Variants in PRKN observed in about 807,000 individuals in gnomAD.
PRKN encodes parkin RBR E3 ubiquitin protein ligase.
In PRKN, 56 loss-of-function variants were observed where a neutral mutation model predicts 59.5. The observed-to-expected ratio is 0.94, with a 90% confidence interval of 0.76 to 1.18. PRKN has a LOEUF of 1.18. PRKN is among the 50% of genes most tolerant of loss of function. The pLI is 0.00. For missense variants in PRKN, 657 were observed against 596.4 expected (o/e 1.10, Z -1.06); for synonymous variants, 250 against 222.1 (o/e 1.13, Z -1.12).
intron 1 of PRKN, among the ~76,000 whole-genome samples, chr6:162,620,754 ATGT>A (rs1782631247): frequency 6.6e-6 from 1 of 151,942 alleles, no homozygotes; most frequent in Non-Finnish European, 1.5e-5. Context: ...GGGTCTTTCT[ATGT>A]TGTTCAGGCT....
intron 7 of PRKN, among the ~76,000 whole-genome samples, chr6:161,727,835 C>T (rs186076097): frequency 2.6e-4 from 39 of 152,312 alleles, no homozygotes; most frequent in African/African-American, 9.4e-4. Flanking sequence ...TTCAGTAAGA[C>T]TGGCTTATTT....
At chr6:162,114,832 A>T (rs1780596895) in intron 4 of PRKN, among the ~76,000 whole-genome samples, 1 of 152,126 alleles carries the variant, frequency 6.6e-6, no homozygotes, top group South Asian at 2.1e-4. Flanking sequence ...AATCATTAAA[A>T]AGTCAAGAAA....
intron 3 of PRKN, among the ~76,000 whole-genome samples, chr6:162,215,298 C>A (rs1367194053): frequency 6.6e-6 from 1 of 152,088 alleles, no homozygotes; most frequent in Non-Finnish European, 1.5e-5. Context: ...GTGGAGGAAC[C>A]AAATAACTAG....
At chr6:161,968,488 T>A (rs1328780455) in intron 6 of PRKN, among the ~76,000 whole-genome samples, 1 of 152,140 alleles carries the variant, frequency 6.6e-6, no homozygotes, top group Non-Finnish European at 1.5e-5. Flanking sequence ...GTCTCCACGG[T>A]CCCCTTGACA....
chr6:161,712,333 T>C (rs1173613357), intron 7 of PRKN, among the ~76,000 whole-genome samples: 1 of 151,984 alleles, frequency 6.6e-6, no homozygotes, highest in African/African-American at 2.4e-5. Flanking sequence ...CTGGATGAAA[T>C]GTGGGCAGGA....
At chr6:162,481,910 C>T (rs13197661) in intron 1 of PRKN, among the ~76,000 whole-genome samples, 22,478 of 152,024 alleles carry the variant, frequency 0.15, 1,857 homozygotes, top group Non-Finnish European at 0.17. Flanking sequence ...ACATAAAATC[C>T]TCAGACTGAA....
intron 5 of PRKN, among the ~76,000 whole-genome samples, chr6:162,011,468 A>G (rs1441088353): frequency 3.6e-5 from 1 of 27,586 alleles, no homozygotes; most frequent in Non-Finnish European, 5.3e-5. Flanking sequence ...TATATATTAT[A>G]ATATATAATA....
intron 9 of PRKN, among the ~76,000 whole-genome samples, chr6:161,500,876 C>CTTTTT (rs34247928): frequency 3.5e-5 from 4 of 115,406 alleles, no homozygotes; most frequent in African/African-American, 6.9e-5. Flanking sequence ...TTTTTTTTTT[C>CTTTTT]TTTTTTTTTT....
intron 1 of PRKN, among the ~76,000 whole-genome samples, chr6:162,451,858 T>C (rs1436486468): frequency 6.6e-6 from 1 of 152,126 alleles, no homozygotes; most frequent in Non-Finnish European, 1.5e-5. Context: ...TGTGATGAAA[T>C]AAATAAATTT....
chr6:162,462,347 C>CA (rs1378497278), intron 1 of PRKN, among the ~76,000 whole-genome samples: 1 of 152,196 alleles, frequency 6.6e-6, no homozygotes, highest in African/African-American at 2.4e-5. Flanking sequence ...GTTTGGTTCA[C>CA]AAATGTGTGC....
intron 2 of PRKN, among the ~76,000 whole-genome samples, chr6:162,283,208 A>C (rs767757904): frequency 1.1e-4 from 16 of 152,090 alleles, no homozygotes; most frequent in African/African-American, 3.9e-4. Flanking sequence ...GTTGGGAGCC[A>C]CTCACTCACC....
Position 161,772,516 on chromosome 6 carries a change from C to G in PRKN, c.871+13256G>C, listed in dbSNP as rs551015034. Among the ~76,000 whole-genome samples, 159 of 152,298 alleles carry G rather than the reference C, an allele frequency of 1.0e-3. 3 individuals carry two copies. The South Asian group carries it at 0.032, about 31-fold the overall frequency. On this transcript the variant is annotated intron_variant, in intron 7 of 11. Coordinates refer to ENST00000366898, the MANE Select transcript of PRKN (RefSeq NM_004562.3). ...GGTGGAACCACCCAAAACACCAAAT[C>G]TGAAGCAGTTGAGGACGTTGGATAC...
intron 6 of PRKN, among the ~76,000 whole-genome samples, chr6:161,891,208 AC>A (rs1795330805): frequency 6.6e-6 from 1 of 152,184 alleles, no homozygotes. Flanking sequence ...CAGGGGGGCC[AC>A]AGCGCCTCCC....
At chr6:162,711,485 C>A (rs546878051) in intron 1 of PRKN, among the ~76,000 whole-genome samples, 1 of 151,960 alleles carries the variant, frequency 6.6e-6, no homozygotes, top group South Asian at 2.1e-4. Context: ...TCCGCTGTGC[C>A]GATGCCACCA....
intron 9 of PRKN, among the ~76,000 whole-genome samples, chr6:161,535,036 T>C (rs996283334): frequency 6.6e-6 from 1 of 152,234 alleles, no homozygotes; most frequent in Non-Finnish European, 1.5e-5. Flanking sequence ...CTGTGGTACA[T>C]GTGGTTCTAC....
chr6:162,210,572 T>C (rs1785160978), intron 3 of PRKN, among the ~76,000 whole-genome samples: 1 of 152,196 alleles, frequency 6.6e-6, no homozygotes, highest in Admixed American at 6.6e-5. Context: ...TCTTAAATAA[T>C]TCTTTTTAAA....
chr6:161,962,071 G>T (rs993679973), intron 6 of PRKN, among the ~76,000 whole-genome samples: 1 of 152,170 alleles, frequency 6.6e-6, no homozygotes, highest in Admixed American at 6.5e-5. Flanking sequence ...TGCGATAAAT[G>T]AATTTGCACT....
chr6:162,718,691 C>A (rs1294148083), intron 1 of PRKN, among the ~76,000 whole-genome samples: 2 of 151,040 alleles, frequency 1.3e-5, no homozygotes, highest in Non-Finnish European at 2.9e-5. Context: ...CCAGCCTGGG[C>A]AACACAGCAA....
rs1782240519 is a variant in PRKN at position 162,612,597 on chromosome 6, C to A, written c.7+115065G>T. ...GAGCAACAAGAGTGAAACTCCATCT[C>A]AAAAAAAAAAAAAAAAAAAAACAGC... On this transcript the variant is annotated intron_variant, in intron 1 of 11. Coordinates refer to ENST00000366898, the MANE Select transcript of PRKN (RefSeq NM_004562.3). Among the ~76,000 whole-genome samples the A allele has an allele frequency of 1.1e-4, 14 of 122,830 alleles. No homozygotes were observed. In the South Asian group the frequency reaches 2.2e-3, roughly 19 times the overall value. The allele number at this position is 122,830 out of a possible 152,430, so 80.6% of individuals were successfully genotyped here. A position where few individuals can be genotyped will look rare whatever the true frequency, so the allele number is the denominator to read the frequency against.
Sources: allele counts gnomAD v4.1 joint callset (sites outside exome capture counted in the v4.1 genomes callset), GRCh38; gene constraint gnomAD v4.1.1; transcripts MANE v1.5; gene names NCBI Gene and HGNC (gene_info 2026-07-23, HGNC 2026-07-21).